The following LENG9 variants were observed in gnomAD, a reference collection of about 807,000 sequenced individuals.
LENG9 encodes the protein leukocyte receptor cluster member 9.
For missense variants in LENG9, 872 were observed against 652.7 expected, an observed-to-expected ratio of 1.34 and a Z score of -3.66; for synonymous variants, 410 against 303.9, an observed-to-expected ratio of 1.35 and a Z score of -3.63.
Position 54,462,542 on chromosome 19 carries a change from C to T in LENG9, c.985G>A (p.Ala329Thr), listed in dbSNP as rs755113750. ...EYLVHVAPHCANFLVPSQNLH... is the reference protein window; with the variant it reads ...EYLVHVAPHCTNFLVPSQNLH... ...TTCTGAGAGGGCACTAGGAAGTTGG[C>T]GCAGTGTGGGGCCACGTGGACCAGG... The change falls in exon 1 of 1, where the codon GCC (alanine) becomes ACC (threonine). Residue 329 changes from alanine (A) to threonine (T), a missense_variant. By Grantham distance (58) the Ala-to-Thr change is moderately conservative (BLOSUM62 0). Transcript: ENST00000611161. The T allele has an allele frequency of 2.9e-5, 46 of 1,613,542 alleles. No homozygotes were observed. The highest frequency in any genetic ancestry group is 3.5e-5 in the Non-Finnish European group (41 of 1,180,024).
rs766173254 is a variant in LENG9 at position 54,462,142 on chromosome 19, A to G, written c.1385T>C (p.Ile462Thr). ...QPLQTLWLCR[I>T]GRTGGPFQPL... The stretch of plus-strand genomic sequence containing the variant: ...CTGGAAAGGCCCCCCTGTCCTCCCT[A>G]TACGGCACAGCCAGAGTGTCTGCAG... Residue 462 changes from isoleucine (I) to threonine (T), a missense_variant, in exon 1 of 1, where the codon ATA becomes ACA. Coordinates refer to ENST00000611161, the MANE Select transcript of LENG9 (RefSeq NM_001301782.2). 47 of 1,602,912 alleles carry G rather than the reference A, an allele frequency of 2.9e-5. No homozygotes were observed. The Admixed American group carries it at 6.8e-4, about 23-fold the overall frequency.
rs373014449 is a variant in LENG9 at position 54,463,486 on chromosome 19, G to C, written c.41C>G (p.Pro14Arg). Residue 14 changes from proline (P) to arginine (R), a missense_variant, in exon 1 of 1, where the codon CCC becomes CGC. Coordinates refer to ENST00000611161, the MANE Select transcript of LENG9 (RefSeq NM_001301782.2). ...CGGCGGGGGCGCGGGTTCCGTGGCGGGGGCTTCCTGCGGCAACTCCGGCTC... is the reference window on the plus strand; with the variant it reads ...CGGCGGGGGCGCGGGTTCCGTGGCGCGGGCTTCCTGCGGCAACTCCGGCTC... The part of the protein sequence containing the change: ...AREPELPQEA[P>R]ATEPAPPPAC... 13 of 1,307,996 alleles carry C rather than the reference G, an allele frequency of 9.9e-6. No individual in the cohort carries two copies. In the East Asian group the frequency reaches 1.6e-4, roughly 16 times the overall value. The allele number at this position is 1,307,996 out of a possible 1,614,324, so 81.0% of individuals were successfully genotyped here.
chr19:54,463,159 T>C lies in LENG9; in HGVS notation c.368A>G (p.His123Arg), dbSNP rs1208481627. 1 of 1,585,942 alleles carries C rather than the reference T, an allele frequency of 6.3e-7. No homozygotes were observed. The highest frequency in any genetic ancestry group is 8.5e-7 in the Non-Finnish European group (1 of 1,171,000). Residue 123 changes from histidine (H) to arginine (R), a missense_variant, in exon 1 of 1, where the codon CAC (histidine) becomes CGC (arginine). By Grantham distance (29) the His-to-Arg change is conservative. Coordinates refer to ENST00000611161, the MANE Select transcript of LENG9 (RefSeq NM_001301782.2). ...ACGGAAGCGGAAGAAGCGCACGCGG[T>C]GCTGGGGCACTGCCAGCACGCCCGG... ...LGPGVLAVPQ[H>R]RVRFFRFRGR... is the part of the protein sequence containing the mutation.
At position 54,463,382 on chromosome 19, in the gene LENG9, G is replaced by GCGGCGC; in HGVS notation, c.139_144dup (p.Ala47_Pro48dup). On this transcript the variant is annotated inframe_insertion, in exon 1 of 1. Coordinates refer to ENST00000611161, the MANE Select transcript of LENG9 (RefSeq NM_001301782.2). The stretch of plus-strand genomic sequence containing the variant: ...GCCTCCGGCTGCGCCTCGCGGCCAG[G>GCGGCGC]CGGCGCCGGCGCCCCAGGGTGGGGC... The GCGGCGC allele has an allele frequency of 1.5e-6, 2 of 1,295,584 alleles. No individual in the cohort carries two copies. Among genetic ancestry groups the GCGGCGC allele is most frequent in the Non-Finnish European group, 2.0e-6 (2 of 1,025,420 alleles). The allele number at this position is 1,295,584 out of a possible 1,614,324, so 80.3% of individuals were successfully genotyped here.
Position 54,463,405 on chromosome 19 carries a change from G to C in LENG9, c.122C>G (p.Pro41Arg). The change falls in exon 1 of 1, where the codon CCC (proline) becomes CGC (arginine). Residue 41 changes from proline to arginine, a missense_variant. Pro to Arg is a moderately radical substitution (Grantham distance 103). Transcript: ENST00000611161. Reference sequence around the variant, plus strand: ...AGGCGGCGCCGGCGCCCCAGGGTGGGGCTGGCGGCAGCGGGCGCCGAAGCG... The same window carrying C: ...AGGCGGCGCCGGCGCCCCAGGGTGGCGCTGGCGGCAGCGGGCGCCGAAGCG... ...RCRFGARCRQ[P>R]HPGAPAPPGR... 8.0e-7 allele frequency: 1 copy of C among 1,246,238 alleles called. No homozygotes were observed. Among genetic ancestry groups the C allele is most frequent in the African/African-American group, 1.6e-5 (1 of 64,068 alleles). The allele number at this position is 1,246,238 out of a possible 1,614,324, so 77.2% of individuals were successfully genotyped here.
chr19:54,462,049 G>A lies in LENG9; in HGVS notation c.*41C>T. On this transcript the variant is annotated 3_prime_UTR_variant, in exon 1 of 1. Coordinates refer to ENST00000611161, the MANE Select transcript of LENG9 (RefSeq NM_001301782.2). ...GCTCCTGCTTTGTCTTTCCTGTGTG[G>A]GCTGTTTGCATCCATTGTCTCCTCC... The A allele has an allele frequency of 6.5e-7, 1 of 1,534,294 alleles. No homozygotes were observed. Among genetic ancestry groups the A allele is most frequent in the Non-Finnish European group, 8.8e-7 (1 of 1,141,528 alleles).
Position 54,463,581 on chromosome 19 carries a change from G to A in LENG9, c.-55C>T. ...CAGACGAGGTCGCCCCGCACGGAGG[G>A]CGGCTCCCCTTGGATGCACCGAGCC... On this transcript the variant is annotated 5_prime_UTR_variant, in exon 1 of 1. Transcript: ENST00000611161. 20 of 1,349,352 alleles carry A rather than the reference G, an allele frequency of 1.5e-5. No homozygotes were observed. Among genetic ancestry groups the A allele is most frequent in the Non-Finnish European group, 1.9e-5 (20 of 1,042,778 alleles). 83.6% of individuals were successfully genotyped at this position (1,349,352 alleles called of 1,614,324 possible).
At position 54,462,442 on chromosome 19, in the gene LENG9, C is replaced by T. The variant is rs777751414; in HGVS notation, c.1085G>A (p.Arg362Gln). The T allele has an allele frequency of 5.0e-6, 8 of 1,613,392 alleles. No individual in the cohort carries two copies. The Admixed American group carries it at 6.7e-5, about 13-fold the overall frequency. Residue 362 changes from arginine (R) to glutamine (Q), a missense_variant, in exon 1 of 1, where the codon CGG (arginine) becomes CAG (glutamine). Physicochemically the swap from Arg to Gln is conservative, Grantham distance 43 (BLOSUM62 1). Transcript: ENST00000611161. ...EEAAAIGALRRALLAPGLNAP... is the reference protein window; with the variant it reads ...EEAAAIGALRQALLAPGLNAP... ...ATTTAGCCCCGGGGCCAAGAGGGCC[C>T]GTCTCAGAGCTCCAATGGCAGCGGC... is the stretch of plus-strand genomic sequence containing the variant.
Position 54,462,256 on chromosome 19 carries a change from TG to T in LENG9, c.1270del (p.His424ThrfsTer39). On this transcript the variant is annotated frameshift_variant, in exon 1 of 1. Coordinates refer to ENST00000611161, the MANE Select transcript of LENG9 (RefSeq NM_001301782.2). LOFTEE classifies it low-confidence loss of function (END_TRUNC). ...ATGGGGCACCTTGGCCACGGTGAGGTGGGGGTGCAGCTGCCCTGGAGACTGT... is the reference window on the plus strand; with the variant it reads ...ATGGGGCACCTTGGCCACGGTGAGGTGGGGTGCAGCTGCCCTGGAGACTGT... ...TLQSPGQLHP[H>X]LTVAKVPHGS... The T allele has an allele frequency of 6.2e-7, 1 of 1,611,158 alleles. No individual in the cohort carries two copies. Among genetic ancestry groups the T allele is most frequent in the Non-Finnish European group, 8.5e-7 (1 of 1,178,330 alleles).
Position 54,462,780 on chromosome 19 carries a change from G to A in LENG9, c.747C>T (p.Thr249=), listed in dbSNP as rs1406452353. The A allele has an allele frequency of 6.2e-7, 1 of 1,608,922 alleles. No individual in the cohort carries two copies. Residue 249 remains threonine, a synonymous_variant, in exon 1 of 1, where the codon ACC becomes ACT. Coordinates refer to ENST00000611161, the MANE Select transcript of LENG9 (RefSeq NM_001301782.2). ...EALKPTAATR[T]TLLGGKEAQA... ...GTGCTTCCTTGCCCCCCAGCAATGT[G>A]GTCCTGGTGGCTGCTGTTGGCTTCA...
rs569584702 is a variant in LENG9 at position 54,461,958 on chromosome 19, A to G, written c.*132T>C. The G allele has an allele frequency of 3.9e-6, 4 of 1,036,548 alleles. 1 individual carries two copies. The South Asian group carries it at 5.3e-5, about 14-fold the overall frequency. The allele number at this position is 1,036,548 out of a possible 1,614,324, so 64.2% of individuals were successfully genotyped here. A position where few individuals can be genotyped will look rare whatever the true frequency, so the allele number is the denominator to read the frequency against. ...TTCCTTCCTTCCTTCCTTTCCTTGGAGCACTGAGCACCATTTGGAAGCTTG... is the reference window on the plus strand; with the variant it reads ...TTCCTTCCTTCCTTCCTTTCCTTGGGGCACTGAGCACCATTTGGAAGCTTG... On this transcript the variant is annotated 3_prime_UTR_variant, in exon 1 of 1. Transcript: ENST00000611161.
Position 54,463,575 on chromosome 19 carries a change from C to G in LENG9, c.-49G>C, listed in dbSNP as rs1183474806. The G allele has an allele frequency of 1.5e-6, 2 of 1,353,292 alleles. No individual in the cohort carries two copies. Among genetic ancestry groups the G allele is most frequent in the Non-Finnish European group, 1.9e-6 (2 of 1,044,842 alleles). 83.8% of individuals were successfully genotyped at this position (1,353,292 alleles called of 1,614,324 possible). A position where few individuals can be genotyped will look rare whatever the true frequency, so the allele number is the denominator to read the frequency against. Reference sequence around the variant, plus strand: ...GCCGCGCAGACGAGGTCGCCCCGCACGGAGGGCGGCTCCCCTTGGATGCAC... The same window carrying G: ...GCCGCGCAGACGAGGTCGCCCCGCAGGGAGGGCGGCTCCCCTTGGATGCAC... On this transcript the variant is annotated 5_prime_UTR_variant, in exon 1 of 1. Transcript: ENST00000611161.
rs1378000027 is a variant in LENG9 at position 54,462,051 on chromosome 19, C to T, written c.*39G>A. On this transcript the variant is annotated 3_prime_UTR_variant, in exon 1 of 1. Transcript: ENST00000611161. The stretch of plus-strand genomic sequence containing the variant: ...TCCTGCTTTGTCTTTCCTGTGTGGG[C>T]TGTTTGCATCCATTGTCTCCTCCAG... The T allele has an allele frequency of 3.9e-6, 6 of 1,535,766 alleles. No homozygotes were observed. The highest frequency in any genetic ancestry group is 2.8e-5 in the African/African-American group (2 of 72,204).
Position 54,463,452 on chromosome 19 carries a change from G to C in LENG9, c.75C>G (p.Arg25=). The part of the protein sequence containing the change: ...ATEPAPPPAC[R]FFLEGRCRFG... ...AGCGGCAGCGGCCTTCCAGGAAGAA[G>C]CGGCAGGCCGGCGGGGGCGCGGGTT... The change falls in exon 1 of 1, where the codon CGC becomes CGG. Residue 25 remains arginine (R), a synonymous_variant. Transcript: ENST00000611161. The C allele has an allele frequency of 7.9e-7, 1 of 1,272,502 alleles. No homozygotes were observed. The highest frequency in any genetic ancestry group is 9.9e-7 in the Non-Finnish European group (1 of 1,009,550). The allele number at this position is 1,272,502 out of a possible 1,614,324, so 78.8% of individuals were successfully genotyped here.
chr19:54,462,311 T>A lies in LENG9; in HGVS notation c.1216A>T (p.Arg406Trp). 1.2e-6 allele frequency: 2 copies of A among 1,603,396 alleles called. No homozygotes were observed. The highest frequency in any genetic ancestry group is 1.7e-6 in the Non-Finnish European group (2 of 1,172,976). The change falls in exon 1 of 1, where the codon AGG (arginine) becomes TGG (tryptophan). Residue 406 changes from arginine (R) to tryptophan (W), a missense_variant. Physicochemically the swap from Arg to Trp is moderately radical, Grantham distance 101. Coordinates refer to ENST00000611161, the MANE Select transcript of LENG9 (RefSeq NM_001301782.2). ...LESMAQVLSQ[R>W]LEAEGLSTLQ... ...GTACTCAGCCCCTCGGCTTCCAGCC[T>A]CTGGCTCAGCACTTGTGCCATGCTT...
rs373213347 is a variant in LENG9, at chr19:54,462,732, G to A, written c.795C>T (p.Gly265=). ...ACTCGGCTTCTGTCGTCTCAGCGGA[G>A]CCCCCCGGGACTCCCAGGGCCTGTG... The part of the protein sequence containing the change: ...KEAQALGVPG[G]SAETTEAEWG... The change falls in exon 1 of 1, where the codon GGC becomes GGT. Residue 265 remains glycine (G), a synonymous_variant. Coordinates refer to ENST00000611161, the MANE Select transcript of LENG9 (RefSeq NM_001301782.2). The A allele has an allele frequency of 5.6e-6, 9 of 1,610,580 alleles. No individual in the cohort carries two copies. In the African/African-American group the frequency reaches 1.1e-4, roughly 19 times the overall value.
At position 54,461,967 on chromosome 19, in the gene LENG9, C is replaced by T. The variant is rs2084592970; in HGVS notation, c.*123G>A. The T allele has an allele frequency of 2.7e-6, 3 of 1,114,810 alleles. No individual in the cohort carries two copies. Among genetic ancestry groups the T allele is most frequent in the Non-Finnish European group, 4.1e-6 (3 of 740,028 alleles). 69.1% of individuals were successfully genotyped at this position (1,114,810 alleles called of 1,614,324 possible). On this transcript the variant is annotated 3_prime_UTR_variant, in exon 1 of 1. Transcript: ENST00000611161. ...TCCTTCCTTTCCTTGGAGCACTGAG[C>T]ACCATTTGGAAGCTTGAGAGAAACC...
In LENG9 at chr19:54,463,041, C is replaced by T. The variant is rs767042542; in HGVS notation, c.486G>A (p.Pro162=). Residue 162 remains proline (P), a synonymous_variant, in exon 1 of 1, where the codon CCG becomes CCA. Transcript: ENST00000611161. ...AGRGPTILDA[P]NTEGAHGAEG... is the part of the protein sequence containing the mutation. The stretch of plus-strand genomic sequence containing the variant: ...CTGCCCCGTGGGCGCCCTCGGTGTT[C>T]GGTGCGTCCAGGATGGTGGGCCCGC... The T allele has an allele frequency of 2.5e-6, 4 of 1,602,666 alleles. No individual in the cohort carries two copies. The highest frequency in any genetic ancestry group is 1.1e-5 in the South Asian group (1 of 90,978).
rs1161544396 is a variant in LENG9, at chr19:54,463,588, C to T, written c.-62G>A. The T allele has an allele frequency of 7.5e-7, 1 of 1,332,856 alleles. No individual in the cohort carries two copies. Among genetic ancestry groups the T allele is most frequent in the Admixed American group, 3.4e-5 (1 of 29,704 alleles). The allele number at this position is 1,332,856 out of a possible 1,614,324, so 82.6% of individuals were successfully genotyped here. On this transcript the variant is annotated 5_prime_UTR_variant, in exon 1 of 1. Transcript: ENST00000611161. ...GGTCGCCCCGCACGGAGGGCGGCTC[C>T]CCTTGGATGCACCGAGCCTCACCCG...
Sources: gnomAD v4.1 joint callset for allele counts on GRCh38, gnomAD v4.1.1 for gene constraint, MANE v1.5 for transcripts, NCBI Gene and HGNC (gene_info 2026-07-23, HGNC 2026-07-21) for gene names.